The following SRGAP2B variants were observed in gnomAD, a reference collection of about 807,000 sequenced individuals.
SRGAP2B encodes the protein SLIT-ROBO Rho GTPase-activating protein 2B.
A neutral mutation model predicts 22.2 loss-of-function variants in SRGAP2B; 9 were observed. That is an observed-to-expected ratio of 0.41 (90% CI 0.24 to 0.71). The LOEUF is 0.71. Among genes scored for constraint, SRGAP2B ranks in the 30% least tolerant of loss-of-function variants. SRGAP2B has a pLI of 0.35. For missense variants in SRGAP2B, 114 were observed against 235.8 expected (o/e 0.48, Z 3.38); for synonymous variants, 36 against 87.4 (o/e 0.41, Z 3.28).
intron 2 of SRGAP2B, among the ~76,000 whole-genome samples, chr1:145,006,301 T>C (rs142663698): frequency 0.03 from 4,550 of 150,862 alleles, 491 homozygotes; most frequent in African/African-American, 0.11. Flanking sequence ...AGAGATGCAG[T>C]AGCTTCACAT....
Position 144,905,072 on chromosome 1 carries a change from CTTGGCT to C in SRGAP2B, c.831+13_831+18del. On this transcript the variant is annotated intron_variant, in intron 7 of 9. Transcript: ENST00000612199. ...ACCAGAAAAGAGGTGCCCTCAGGCC[CTTGGCT>C]TTAAGCACTTACATCAATAAGGTCA... 1 of 739,522 alleles carries C rather than the reference CTTGGCT, an allele frequency of 1.4e-6. No homozygotes were observed. The highest frequency in any genetic ancestry group is 2.3e-4 in the Middle Eastern group (1 of 4,302). The allele number at this position is 739,522 out of a possible 1,614,324, so 45.8% of individuals were successfully genotyped here.
At chr1:144,965,208 A>G in intron 3 of SRGAP2B, 1 of 947,240 alleles carries the variant, frequency 1.1e-6, no homozygotes, top group Non-Finnish European at 1.7e-6. Context: ...CTCCAGCGTG[A>G]GCGACACAGA....
At chr1:145,094,926 A>C in intron 1 of SRGAP2B, 1 of 1,535,044 alleles carries the variant, frequency 6.5e-7, no homozygotes, top group Non-Finnish European at 8.8e-7. Context: ...CCGTGTGCGG[A>C]GGAAAGGGAG....
chr1:145,016,972 T>C (rs1454945538), intron 2 of SRGAP2B, among the ~76,000 whole-genome samples: 2 of 142,974 alleles, frequency 1.4e-5, no homozygotes, highest in African/African-American at 5.4e-5. Context: ...TGTTTGTTTG[T>C]TTTTTGAGAC....
intron 3 of SRGAP2B, among the ~76,000 whole-genome samples, chr1:144,956,439 CTTTTTTTTTTTTTT>C (rs3069132): frequency 6.3e-5 from 6 of 95,384 alleles, no homozygotes; most frequent in Admixed American, 3.2e-4. Flanking sequence ...TGCTCATTCC[CTTTTTTTTTTTTTT>C]TTTTTTTTTT....
intron 4 of SRGAP2B, among the ~76,000 whole-genome samples, chr1:144,952,934 T>TG (rs1196864702): frequency 6.7e-6 from 1 of 148,484 alleles, no homozygotes. Context: ...CCATGGTGCT[T>TG]GGCTCAATCT....
chr1:144,942,332 GT>G (rs1666111924), intron 4 of SRGAP2B, among the ~76,000 whole-genome samples: 1 of 149,988 alleles, frequency 6.7e-6, no homozygotes, highest in Non-Finnish European at 1.5e-5. Flanking sequence ...AGACTAATAC[GT>G]TTTTACAAAC....
At chr1:144,907,826 A>G (rs1315386009) in intron 5 of SRGAP2B, among the ~76,000 whole-genome samples, 1 of 150,094 alleles carries the variant, frequency 6.7e-6, no homozygotes, top group African/African-American at 2.5e-5. Flanking sequence ...GAGGCAGACG[A>G]AAGAATAAAG....
chr1:145,068,979 G>A (rs11249422), intron 2 of SRGAP2B, among the ~76,000 whole-genome samples: 1 of 144,418 alleles, frequency 6.9e-6, no homozygotes, highest in African/African-American at 2.6e-5. Flanking sequence ...CTCTCAACAT[G>A]TAACCAGAAG....
At chr1:145,061,781 G>A (rs1650945260) in intron 2 of SRGAP2B, among the ~76,000 whole-genome samples, 1 of 138,110 alleles carries the variant, frequency 7.2e-6, no homozygotes, top group Non-Finnish European at 1.6e-5. Context: ...TTTTAGTAGA[G>A]ACGGGGTTTC....
chr1:144,917,316 G>C (rs1403291265), intron 4 of SRGAP2B: 1 of 46,392 alleles, frequency 2.2e-5, no homozygotes, highest in Non-Finnish European at 3.9e-5. Context: ...GGTGAAGTGA[G>C]GCAACATGAC....
intron 3 of SRGAP2B, among the ~76,000 whole-genome samples, chr1:144,975,156 A>G (rs1425840564): frequency 6.7e-6 from 1 of 149,728 alleles, no homozygotes; most frequent in Admixed American, 6.6e-5. Context: ...AATCTGCGCC[A>G]TCTTTTTTAG....
chr1:144,942,845 C>A (rs1257972408), intron 4 of SRGAP2B, among the ~76,000 whole-genome samples: 1 of 151,016 alleles, frequency 6.6e-6, no homozygotes, highest in African/African-American at 2.4e-5. Flanking sequence ...TATTTGTAGG[C>A]TGGCACCATG....
intron 4 of SRGAP2B, among the ~76,000 whole-genome samples, chr1:144,940,329 A>C (rs1208562544): frequency 8.3e-6 from 1 of 120,550 alleles, no homozygotes; most frequent in Non-Finnish European, 1.7e-5. Context: ...GAGGAAGAAA[A>C]AGGGAAAGCA....
chr1:144,914,126 G>A (rs1221936998), intron 5 of SRGAP2B, among the ~76,000 whole-genome samples: 13 of 151,772 alleles, frequency 8.6e-5, no homozygotes, highest in East Asian at 7.7e-4. Context: ...CTCCAAGCCC[G>A]CAGCCTGCCT....
chr1:144,940,929 T>A (rs1306311089), intron 4 of SRGAP2B, among the ~76,000 whole-genome samples: 2 of 149,484 alleles, frequency 1.3e-5, no homozygotes, highest in Non-Finnish European at 3.0e-5. Context: ...TGCAATGACA[T>A]GATAAAAATG....
rs587632838 is a variant in SRGAP2B, at chr1:144,915,330, A to G, written c.424-576T>C. Among the ~76,000 whole-genome samples the G allele has an allele frequency of 7.5e-3, 1,131 of 150,828 alleles. 92 individuals carry two copies. The highest frequency in any genetic ancestry group is 0.026 in the African/African-American group (1,061 of 40,328). On this transcript the variant is annotated intron_variant, in intron 4 of 9. Coordinates refer to ENST00000612199, the Ensembl canonical transcript of SRGAP2B. The stretch of plus-strand genomic sequence containing the variant: ...AGCTGTTACTAGATGCTGAAAATAT[A>G]TGTTAAGGGGTCTCCAACTAGTTAA...
intron 3 of SRGAP2B, among the ~76,000 whole-genome samples, chr1:144,969,796 A>C (rs1553612913): frequency 6.6e-6 from 1 of 150,868 alleles, no homozygotes; most frequent in Non-Finnish European, 1.5e-5. Flanking sequence ...ACAAATTTAC[A>C]AGAAAAAAAA....
chr1:145,030,721 A>AAAT (rs1553625890), intron 2 of SRGAP2B, among the ~76,000 whole-genome samples: 17 of 14,496 alleles, frequency 1.2e-3, no homozygotes, highest in South Asian at 3.1e-3. Context: ...AAAAAAAAAA[A>AAAT]ATATATATAT....
Sources: allele counts gnomAD v4.1 joint callset (sites outside exome capture counted in the v4.1 genomes callset), GRCh38; gene constraint gnomAD v4.1.1; transcripts MANE v1.5; gene names NCBI Gene and HGNC (gene_info 2026-07-23, HGNC 2026-07-21).